IMMP2L: variants seen among roughly 807,000 people sequenced by gnomAD.
The protein encoded by IMMP2L is inner mitochondrial membrane peptidase subunit 2.
IMMP2L carries 18 observed loss-of-function variants against 19.3 expected under a neutral mutation model. The ratio of observed to expected loss-of-function variants is 0.93; its 90% CI spans 0.64 to 1.38. IMMP2L has a LOEUF of 1.38. Among genes scored for constraint, IMMP2L ranks in the 40% most tolerant of loss-of-function variants. The pLI is 0.00. For synonymous variants in IMMP2L, 76 were observed against 73.0 expected, an observed-to-expected ratio of 1.04 and a Z score of -0.21; for missense variants, 233 against 218.2, an observed-to-expected ratio of 1.07 and a Z score of -0.43.
chr7:111,324,820 C>T (rs1177873086), intron 3 of IMMP2L, among the ~76,000 whole-genome samples: 1 of 151,694 alleles, frequency 6.6e-6, no homozygotes, highest in Non-Finnish European at 1.5e-5. Flanking sequence ...ATTCAAAGTG[C>T]AAACAATAAC....
chr7:110,996,682 AT>A (rs969031194), intron 3 of IMMP2L, among the ~76,000 whole-genome samples: 1 of 150,842 alleles, frequency 6.6e-6, no homozygotes, highest in East Asian at 1.9e-4. Context: ...CCCTTTTCTT[AT>A]TTTTTTTCAA....
chr7:111,522,962 A>T (rs1369670854), intron 1 of IMMP2L, among the ~76,000 whole-genome samples: 1 of 129,436 alleles, frequency 7.7e-6, no homozygotes, highest in Non-Finnish European at 1.6e-5. Context: ...AAAAAGAATG[A>T]AATCCTGCCA....
chr7:110,740,213 CT>C lies in IMMP2L; in HGVS notation c.409-76493del, dbSNP rs1292887309. On this transcript the variant is annotated intron_variant, in intron 5 of 5. Coordinates refer to ENST00000405709, the MANE Select transcript of IMMP2L (RefSeq NM_032549.4). ...TCAGAAGAAGAAACATAACAAAGAT[CT>C]GAGCAGAACTAAATGAAATTGAAAC... Among the ~76,000 whole-genome samples the C allele has an allele frequency of 4.6e-5, 7 of 152,158 alleles. 1 individual carries two copies. Among genetic ancestry groups the C allele is most frequent in the African/African-American group, 1.7e-4 (7 of 41,520 alleles).
At position 111,399,908 on chromosome 7, in the gene IMMP2L, T is replaced by C. The variant is rs539196606; in HGVS notation, c.239+87330A>G. Among the ~76,000 whole-genome samples, 33 of 152,114 alleles carry C rather than the reference T, an allele frequency of 2.2e-4. 1 individual carries two copies. The highest frequency in any genetic ancestry group is 4.3e-4 in the Non-Finnish European group (29 of 68,010). On this transcript the variant is annotated intron_variant, in intron 3 of 5. Transcript: ENST00000405709. ...AAACATCCTATATTATAAAGAGTAG[T>C]TTGACGTTTTGGCTCTATGTAGAAC...
At chr7:111,078,596 T>C (rs772299422) in intron 3 of IMMP2L, among the ~76,000 whole-genome samples, 1 of 152,134 alleles carries the variant, frequency 6.6e-6, no homozygotes, top group Non-Finnish European at 1.5e-5. Context: ...GGCAAAAAAA[T>C]GTACCAAAGT....
At chr7:111,490,573 T>G (rs886818522) in intron 2 of IMMP2L, among the ~76,000 whole-genome samples, 15 of 152,036 alleles carry the variant, frequency 9.9e-5, no homozygotes, top group Non-Finnish European at 1.9e-4. Context: ...CTTTCCTCTC[T>G]AGTATCATCA....
rs180672908 is a variant in IMMP2L, at chr7:110,835,189, A to T, written c.408+51404T>A. On this transcript the variant is annotated intron_variant, in intron 5 of 5. Coordinates refer to ENST00000405709, the MANE Select transcript of IMMP2L (RefSeq NM_032549.4). ...CACCTAACAATAGTAAGAACAAAATAAAAACTTTGCTGCAAAAGGATCAAA... is the reference window on the plus strand; with the variant it reads ...CACCTAACAATAGTAAGAACAAAATTAAAACTTTGCTGCAAAAGGATCAAA... 4.6e-5 allele frequency among the ~76,000 whole-genome samples: 7 copies of T among 152,314 alleles called. No individual in the cohort carries two copies. In the East Asian group the frequency reaches 1.2e-3, roughly 25 times the overall value.
At chr7:111,122,576 C>A in intron 3 of IMMP2L, 1 of 564,988 alleles carries the variant, frequency 1.8e-6, no homozygotes, top group South Asian at 2.5e-5. Flanking sequence ...CTTCTCTTCT[C>A]CAATATGCAT....
intron 1 of IMMP2L, among the ~76,000 whole-genome samples, chr7:111,536,584 G>A (rs1226405129): frequency 2.0e-5 from 3 of 152,124 alleles, no homozygotes; most frequent in African/African-American, 7.2e-5. Context: ...TGGGATTACA[G>A]GTGTGAGCTA....
At chr7:111,090,007 T>C (rs981172172) in intron 3 of IMMP2L, among the ~76,000 whole-genome samples, 6 of 152,012 alleles carry the variant, frequency 3.9e-5, no homozygotes, top group African/African-American at 1.2e-4. Context: ...TTTACTCCAC[T>C]AGAGGGTAGT....
At chr7:111,270,406 C>A (rs886410952) in intron 3 of IMMP2L, among the ~76,000 whole-genome samples, 2 of 151,962 alleles carry the variant, frequency 1.3e-5, no homozygotes, top group African/African-American at 4.8e-5. Flanking sequence ...GAATGCAATC[C>A]TAGGACTGAA....
intron 1 of IMMP2L, among the ~76,000 whole-genome samples, chr7:111,538,957 T>C (rs906207218): frequency 2.0e-5 from 3 of 147,082 alleles, no homozygotes; most frequent in African/African-American, 5.0e-5. Flanking sequence ...CCGTCTCTAC[T>C]AAAAAAACAA....
chr7:111,162,467 T>C (rs1264543671), intron 3 of IMMP2L, among the ~76,000 whole-genome samples: 1 of 152,044 alleles, frequency 6.6e-6, no homozygotes, highest in African/African-American at 2.4e-5. Context: ...AACACAAATA[T>C]ACTAAAGTTC....
chr7:111,411,242 A>G, intron 3 of IMMP2L: 1 of 184,766 alleles, frequency 5.4e-6, no homozygotes, highest in East Asian at 1.5e-4. Context: ...GTGCTGTTAG[A>G]AAAAAACTGT....
At chr7:110,668,969 T>G (rs1791657526) in intron 5 of IMMP2L, among the ~76,000 whole-genome samples, 1 of 151,372 alleles carries the variant, frequency 6.6e-6, no homozygotes, top group Non-Finnish European at 1.5e-5. Flanking sequence ...TCAGGTACAG[T>G]TTTGACTTGC....
Position 111,298,958 on chromosome 7 carries a change from T to C in IMMP2L, c.239+188280A>G, listed in dbSNP as rs143922413. Among the ~76,000 whole-genome samples, 1,449 of 152,236 alleles carry C rather than the reference T, an allele frequency of 9.5e-3. 10 individuals carry two copies. Among genetic ancestry groups the C allele is most frequent in the Middle Eastern group, 0.024 (7 of 294 alleles). On this transcript the variant is annotated intron_variant, in intron 3 of 5. Transcript: ENST00000405709. ...ATTGATCAGTAATGAGTGTCTGTTA[T>C]AAGCAAACATAGTCTGTGCACTTGA...
rs187026420 is a variant in IMMP2L, at chr7:110,729,549, C to T, written c.409-65828G>A. 5.8e-4 allele frequency among the ~76,000 whole-genome samples: 88 copies of T among 152,332 alleles called. 1 individual carries two copies. In the South Asian group the frequency reaches 6.8e-3, roughly 12 times the overall value. On this transcript the variant is annotated intron_variant, in intron 5 of 5. Coordinates refer to ENST00000405709, the MANE Select transcript of IMMP2L (RefSeq NM_032549.4). ...GGGTGGGACACAGAACCAAACCATA[C>T]TAACAGTCATTGTCAACATTTCTGC...
intron 3 of IMMP2L, among the ~76,000 whole-genome samples, chr7:111,279,271 A>G (rs1326909538): frequency 6.6e-6 from 1 of 152,178 alleles, no homozygotes; most frequent in African/African-American, 2.4e-5. Context: ...AGCTCACTGT[A>G]ATGGGTTGAA....
At chr7:110,905,453 A>AT (rs367823090) in intron 4 of IMMP2L, among the ~76,000 whole-genome samples, 57 of 149,554 alleles carry the variant, frequency 3.8e-4, no homozygotes, top group East Asian at 1.2e-3. Flanking sequence ...TTTTTGTTAC[A>AT]TTTTTTTTTT....
Sources: gnomAD v4.1 joint callset for allele counts (sites outside exome capture counted in the v4.1 genomes callset) on GRCh38, gnomAD v4.1.1 for gene constraint, MANE v1.5 for transcripts, NCBI Gene and HGNC (gene_info 2026-07-23, HGNC 2026-07-21) for gene names.